Variants in SIRPG observed in about 807,000 individuals in gnomAD.
The protein encoded by SIRPG is signal regulatory protein gamma, also known as signal-regulatory protein gamma.
In SIRPG, 38 loss-of-function variants were observed where a neutral mutation model predicts 35.7. The ratio of observed to expected loss-of-function variants is 1.06; its 90% CI spans 0.82 to 1.40. The LOEUF (loss-of-function observed/expected upper bound fraction) is 1.40. Among genes scored for constraint, SIRPG ranks in the 40% most tolerant of loss-of-function variants. SIRPG has a pLI of 0.00. For synonymous variants in SIRPG, 215 were observed against 190.4 expected, an observed-to-expected ratio of 1.13 and a Z score of -1.06; for missense variants, 519 against 483.0, an observed-to-expected ratio of 1.07 and a Z score of -0.70.
intron 2 of SIRPG, among the ~76,000 whole-genome samples, chr20:1,643,184 T>G (rs1418996627): frequency 6.6e-6 from 1 of 152,230 alleles, no homozygotes; most frequent in East Asian, 1.9e-4. Flanking sequence ...GGTTCCATCC[T>G]CCCCATCTCT....
the SIRPG span, among the ~76,000 whole-genome samples, chr20:1,665,691 C>T: frequency 2.6e-5 from 4 of 152,254 alleles, no homozygotes; most frequent in South Asian, 2.1e-4. Flanking sequence ...AAAGGAGTGA[C>T]GCCTCCTCAA....
At chr20:1,634,481 A>G (rs2091776489) in intron 4 of SIRPG, among the ~76,000 whole-genome samples, 1 of 151,958 alleles carries the variant, frequency 6.6e-6, no homozygotes, top group African/African-American at 2.4e-5. Flanking sequence ...TGCTGGGATT[A>G]CAGGCGTGAG....
chr20:1,670,927 T>A, the SIRPG span: 1 of 335,142 alleles, frequency 3.0e-6, no homozygotes, highest in Non-Finnish European at 6.0e-6. Context: ...AGGGTCCCCC[T>A]GTAAAGTGAT....
Position 1,629,834 on chromosome 20 carries a change from G to A in SIRPG, c.*3-198C>T, listed in dbSNP as rs1409702942. 3.9e-5 allele frequency among the ~76,000 whole-genome samples: 6 copies of A among 152,128 alleles called. No homozygotes were observed. The East Asian group carries it at 1.2e-3, about 29-fold the overall frequency. On this transcript the variant is annotated intron_variant, in intron 5 of 5. Transcript: ENST00000303415. ...AATATTCCTTCCACTCAGACACACA[G>A]AGGGTCAGAGCACAAACAGCCTTCA...
chr20:1,662,974 T>C, the SIRPG span, among the ~76,000 whole-genome samples: 1 of 151,710 alleles, frequency 6.6e-6, no homozygotes, highest in African/African-American at 2.4e-5. Context: ...CATGCAGCTG[T>C]TTTGGGGAAG....
the SIRPG span, among the ~76,000 whole-genome samples, chr20:1,669,407 T>C: frequency 6.6e-6 from 1 of 152,340 alleles, no homozygotes; most frequent in South Asian, 2.1e-4. Context: ...GCGGTTATTA[T>C]TGGTCAAATA....
In SIRPG at chr20:1,635,586, C is replaced by T. The variant is rs1254544749; in HGVS notation, c.762G>A (p.Leu254=). The T allele has an allele frequency of 6.2e-7, 1 of 1,614,038 alleles. No homozygotes were observed. Among genetic ancestry groups the T allele is most frequent in the East Asian group, 2.2e-5 (1 of 44,884 alleles). ...CCCTCATGGGCTGTTGAGTAACCTC[C>T]AAGGTGGGTGGAACTGAAACAGCAC... The part of the protein sequence containing the change: ...LSEAIRVPPT[L]EVTQQPMRVG... The change falls in exon 4 of 6, where the codon TTG becomes TTA. Residue 254 remains leucine (L), a synonymous_variant. Transcript: ENST00000303415.
the SIRPG span, among the ~76,000 whole-genome samples, chr20:1,674,885 C>T: frequency 6.6e-6 from 1 of 152,138 alleles, no homozygotes; most frequent in Non-Finnish European, 1.5e-5. Flanking sequence ...GAAACTGAGG[C>T]TGAGAGAAAT....
chr20:1,670,896 C>A, the SIRPG span: 2 of 317,242 alleles, frequency 6.3e-6, no homozygotes, highest in South Asian at 6.5e-5. Context: ...TGGTTTCAGA[C>A]AAGTTTTCAG....
In SIRPG at chr20:1,650,004, G is replaced by GTATGTATGTATATATATATATATATATA. The variant is rs2091929374; in HGVS notation, c.74-597_74-596insTATATATATATATATATATACATACATA. Among the ~76,000 whole-genome samples the GTATGTATGTATATATATATATATATATA allele has an allele frequency of 3.0e-5, 3 of 98,820 alleles. No individual in the cohort carries two copies. The South Asian group carries it at 1.1e-3, about 36-fold the overall frequency. The allele number at this position is 98,820 out of a possible 152,430, so 64.8% of individuals were successfully genotyped here. A position where few individuals can be genotyped will look rare whatever the true frequency, so the allele number is the denominator to read the frequency against. On this transcript the variant is annotated intron_variant, in intron 1 of 5. Transcript: ENST00000303415. ...ACTCCTGAACTCTACTTTGAAGTGTGTATATATATATATATATATATATGT... is the reference window on the plus strand; with the variant it reads ...ACTCCTGAACTCTACTTTGAAGTGTGTATGTATGTATATATATATATATATATATATATATATATATATATATATATGT...
At chr20:1,641,764 T>A (rs1448238361) in intron 2 of SIRPG, among the ~76,000 whole-genome samples, 1 of 152,244 alleles carries the variant, frequency 6.6e-6, no homozygotes, top group Non-Finnish European at 1.5e-5. Context: ...CTGCTTTAGC[T>A]GTGTCCCAGA....
chr20:1,665,783 C>T, the SIRPG span, among the ~76,000 whole-genome samples: 11 of 152,232 alleles, frequency 7.2e-5, no homozygotes, highest in East Asian at 2.1e-3. Flanking sequence ...TTTAAAAGCC[C>T]TTTGTTTTTC....
chr20:1,653,949 C>A (rs1235683967), intron 1 of SIRPG, among the ~76,000 whole-genome samples: 1 of 152,068 alleles, frequency 6.6e-6, no homozygotes, highest in Admixed American at 6.6e-5. Context: ...GCAAAAAGAA[C>A]AAAGATGGGG....
At chr20:1,649,435 T>A (rs1403472218) in intron 1 of SIRPG, 27 bp from the exon 2 acceptor site, 29 of 1,564,862 alleles carry the variant, frequency 1.9e-5, no homozygotes, top group Non-Finnish European at 2.3e-5. Flanking sequence ...AGCAATCATT[T>A]TTTCATCCTT....
intron 2 of SIRPG, among the ~76,000 whole-genome samples, chr20:1,642,395 A>C (rs1002547451): frequency 2.0e-5 from 3 of 151,820 alleles, no homozygotes; most frequent in Non-Finnish European, 2.9e-5. Flanking sequence ...CGCAACCCCC[A>C]CCTTCTTTTG....
chr20:1,675,645 T>G, the SIRPG span, among the ~76,000 whole-genome samples: 1 of 152,200 alleles, frequency 6.6e-6, no homozygotes. Context: ...CTTTAGTGCC[T>G]CATCTTTAAC....
intron 3 of SIRPG, among the ~76,000 whole-genome samples, 193 bp from the exon 4 acceptor site, chr20:1,635,792 G>C (rs2091794062): frequency 6.6e-6 from 1 of 152,198 alleles, no homozygotes; most frequent in African/African-American, 2.4e-5. Flanking sequence ...GTGCACAGTA[G>C]GTGCTCAAGG....
At chr20:1,652,067 G>A (rs559239915) in intron 1 of SIRPG, among the ~76,000 whole-genome samples, 1 of 152,266 alleles carries the variant, frequency 6.6e-6, no homozygotes, top group African/African-American at 2.4e-5. Flanking sequence ...TAGAGACTTT[G>A]GCAATGATTT....
the SIRPG span, among the ~76,000 whole-genome samples, chr20:1,662,791 C>T: frequency 6.6e-6 from 1 of 152,044 alleles, no homozygotes; most frequent in Admixed American, 6.5e-5. Context: ...AAAATAAGTA[C>T]ACGTGGTAAT....
Sources: gnomAD v4.1 joint callset for allele counts (sites outside exome capture counted in the v4.1 genomes callset) on GRCh38, gnomAD v4.1.1 for gene constraint, MANE v1.5 for transcripts, NCBI Gene and HGNC (gene_info 2026-07-23, HGNC 2026-07-21) for gene names.